HECTD4: variants seen among roughly 807,000 people sequenced by gnomAD.
HECTD4 encodes the protein HECT domain E3 ubiquitin protein ligase 4.
Under a neutral mutation model 471.5 loss-of-function variants are expected in HECTD4, and 114 were observed. That is an observed-to-expected ratio of 0.24 (90% CI 0.21 to 0.28). The LOEUF is 0.28. HECTD4 is among the 10% of genes least tolerant of loss of function. The pLI is 1.00. For missense variants in HECTD4, 3,866 were observed against 5,651.5 expected (o/e 0.68, Z 10.13); for synonymous variants, 2,012 against 2,256.0 (o/e 0.89, Z 3.07).
intron 8 of HECTD4, among the ~76,000 whole-genome samples, chr12:112,282,337 C>T (rs1288356193): frequency 2.0e-5 from 3 of 151,840 alleles, no homozygotes; most frequent in Non-Finnish European, 2.9e-5. Flanking sequence ...GAGCTGAGAT[C>T]GCGCCACTGC....
At chr12:112,250,455 A>G in intron 24 of HECTD4, 78 bp from the exon 25 acceptor site, 1 of 974,502 alleles carries the variant, frequency 1.0e-6, no homozygotes, top group Non-Finnish European at 1.6e-6. Flanking sequence ...TTGCAGATAC[A>G]TCAAACATAT....
intron 1 of HECTD4, among the ~76,000 whole-genome samples, chr12:112,360,375 C>G (rs2036427809): frequency 6.6e-6 from 1 of 152,126 alleles, no homozygotes. Context: ...AAATACTATT[C>G]TTACCATTCA....
At chr12:112,304,673 C>G (rs1168079243) in intron 7 of HECTD4, among the ~76,000 whole-genome samples, 6 of 147,546 alleles carry the variant, frequency 4.1e-5, no homozygotes, top group Non-Finnish European at 7.4e-5. Context: ...TCTTTAAAAA[C>G]CAATTAAAAA....
At chr12:112,308,574 T>TGAATATG (rs2035314676) in intron 6 of HECTD4, among the ~76,000 whole-genome samples, 179 bp downstream of exon 6, 4 of 152,022 alleles carry the variant, frequency 2.6e-5, no homozygotes, top group Admixed American at 1.3e-4. Context: ...TTCACTCAGT[T>TGAATATG]CATATGGGAA....
intron 1 of HECTD4, among the ~76,000 whole-genome samples, chr12:112,366,597 A>G (rs567070320): frequency 8.5e-5 from 13 of 152,100 alleles, no homozygotes; most frequent in African/African-American, 2.2e-4. Context: ...ACATTAAAAA[A>G]AAGAAGAAGA....
chr12:112,184,313 G>T lies in HECTD4; in HGVS notation c.10653C>A (p.Ser3551Arg). Reference protein sequence around the residue: ...CSTGSLGSLGSLGEPLDNAET... With the variant: ...CSTGSLGSLGRLGEPLDNAET... ...CTGCATTGTCCAGGGGCTCCCCCAG[G>T]CTGCCCAGGCTGCCCAGGCTGCCGG... is the stretch of plus-strand genomic sequence containing the variant. The change falls in exon 61 of 76, where the codon AGC becomes AGA. Residue 3551 changes from serine (S) to arginine (R), a missense_variant. Physicochemically the swap from Ser to Arg is moderately radical, Grantham distance 110 (BLOSUM62 -1). Around this residue, in one of 16 missense-constraint regions of HECTD4, gnomAD observed 192 missense variants for 189.9 expected, o/e 1.01. Transcript: ENST00000682272. This position sits in a 1 kb window ranked among gnomAD's most constrained non-coding sequence, Gnocchi z 9.1. The T allele has an allele frequency of 6.2e-7, 1 of 1,612,020 alleles. No individual in the cohort carries two copies. The highest frequency in any genetic ancestry group is 8.5e-7 in the Non-Finnish European group (1 of 1,179,264).
rs2034342921 is a variant in HECTD4, at chr12:112,268,828, T to C, written c.2321+876A>G. On this transcript the variant is annotated intron_variant, in intron 13 of 75. Transcript: ENST00000682272. ...AAAAAAAAAAAAGACTTACAATAAA[T>C]AGAAAATGGCCTATAAATTCTGCTC... is the stretch of plus-strand genomic sequence containing the variant. Among the ~76,000 whole-genome samples, 15 of 141,898 alleles carry C rather than the reference T, an allele frequency of 1.1e-4. No homozygotes were observed. In the South Asian group the frequency reaches 3.4e-3, roughly 32 times the overall value. 93.1% of individuals were successfully genotyped at this position (141,898 alleles called of 152,430 possible). A position where few individuals can be genotyped will look rare whatever the true frequency, so the allele number is the denominator to read the frequency against.
In HECTD4 at chr12:112,310,032, C is replaced by T. The variant is rs533905545; in HGVS notation, c.917-363G>A. ...ATTTGAAATGACTAAGAATACAGTA[C>T]AACACTTTTATTAGTAATTGCATAG... is the stretch of plus-strand genomic sequence containing the variant. On this transcript the variant is annotated intron_variant, in intron 4 of 75. Coordinates refer to ENST00000682272, the MANE Select transcript of HECTD4 (RefSeq NM_001388303.1). Among the ~76,000 whole-genome samples the T allele has an allele frequency of 3.3e-5, 5 of 152,222 alleles. No individual in the cohort carries two copies. The East Asian group carries it at 7.7e-4, about 24-fold the overall frequency.
At chr12:112,307,994 C>T (rs1037500688) in intron 6 of HECTD4, among the ~76,000 whole-genome samples, 1 of 152,250 alleles carries the variant, frequency 6.6e-6, no homozygotes, top group Non-Finnish European at 1.5e-5. Flanking sequence ...AGGTGCCTAG[C>T]CTCAGTTTCC....
intron 43 of HECTD4, 117 bp from the exon 44 acceptor site, chr12:112,226,875 A>T: frequency 1.6e-6 from 1 of 621,156 alleles, no homozygotes; most frequent in Non-Finnish European, 2.8e-6. Context: ...AGGTTCAAAC[A>T]CCCCACTCAT....
At chr12:112,305,499 C>A (rs532543028) in intron 7 of HECTD4, among the ~76,000 whole-genome samples, 5 of 152,222 alleles carry the variant, frequency 3.3e-5, no homozygotes, top group Admixed American at 3.3e-4. Context: ...TTATCTCGTG[C>A]GCTTATTTGC....
At chr12:112,187,848 G>T (rs1399030047) in intron 60 of HECTD4, among the ~76,000 whole-genome samples, 1 of 147,888 alleles carries the variant, frequency 6.8e-6, no homozygotes, top group Non-Finnish European at 1.5e-5. Context: ...GGATGGTCTT[G>T]ATCTCCTGAC....
chr12:112,222,019 G>A (rs1212282681), intron 44 of HECTD4, among the ~76,000 whole-genome samples: 3 of 151,898 alleles, frequency 2.0e-5, no homozygotes, highest in Admixed American at 2.0e-4. Flanking sequence ...TGCCTCCTGG[G>A]TTCAAGTGAT....
In HECTD4 at chr12:112,162,958, T is replaced by G; in HGVS notation, c.13120+84A>C. On this transcript the variant is annotated intron_variant, in intron 75 of 75. Transcript: ENST00000682272. The surrounding 1 kb of genome is among the most constrained non-coding windows in gnomAD (Gnocchi z 5.2). ...GGGGCTCCTGTTCATTGTTCTCCCTTCACATGGGGCCTGGCAGCCCCAGTT... is the reference window on the plus strand; with the variant it reads ...GGGGCTCCTGTTCATTGTTCTCCCTGCACATGGGGCCTGGCAGCCCCAGTT... 1 of 1,123,978 alleles carries G rather than the reference T, an allele frequency of 8.9e-7. No individual in the cohort carries two copies. The highest frequency in any genetic ancestry group is 1.3e-6 in the Non-Finnish European group (1 of 771,444). 69.6% of individuals were successfully genotyped at this position (1,123,978 alleles called of 1,614,324 possible).
At position 112,171,154 on chromosome 12, in the gene HECTD4, A is replaced by G. The variant is rs775491355; in HGVS notation, c.11895T>C (p.Tyr3965=). The change falls in exon 68 of 76, where the codon TAT becomes TAC. Residue 3965 remains tyrosine (Y), a synonymous_variant. Transcript: ENST00000682272. ...PLVELRQTPM[Y]THSIAALLKE... ...TCAGCAGGGCGGCGATGCTGTGGGTATACATGGGTGTCTGGCGCAGCTCCA... is the reference window on the plus strand; with the variant it reads ...TCAGCAGGGCGGCGATGCTGTGGGTGTACATGGGTGTCTGGCGCAGCTCCA... The G allele has an allele frequency of 1.2e-6, 2 of 1,613,570 alleles. No homozygotes were observed. Among genetic ancestry groups the G allele is most frequent in the Admixed American group, 3.3e-5 (2 of 59,960 alleles).
At chr12:112,222,185 T>C (rs1346823783) in intron 44 of HECTD4, among the ~76,000 whole-genome samples, 1 of 152,172 alleles carries the variant, frequency 6.6e-6, no homozygotes, top group Non-Finnish European at 1.5e-5. Context: ...CCTCCCAAAG[T>C]GCTGAGATTA....
At chr12:112,339,869 T>C (rs1315178101) in intron 1 of HECTD4, among the ~76,000 whole-genome samples, 1 of 151,944 alleles carries the variant, frequency 6.6e-6, no homozygotes, top group East Asian at 1.9e-4. Context: ...GCCAACATGG[T>C]GAAACCCCGC....
rs2031319317 is a variant in HECTD4, at chr12:112,173,592, C to T, written c.11595-731G>A. Reference sequence around the variant, plus strand: ...TGTATTTTTAGTAGAGACGAGGTTTCACCGTGTTAGCCAGGATGGTCTCAA... The same window carrying T: ...TGTATTTTTAGTAGAGACGAGGTTTTACCGTGTTAGCCAGGATGGTCTCAA... On this transcript the variant is annotated intron_variant, in intron 66 of 75. Coordinates refer to ENST00000682272, the MANE Select transcript of HECTD4 (RefSeq NM_001388303.1). The surrounding 1 kb of genome is among the most constrained non-coding windows in gnomAD (Gnocchi z 4.3). Among the ~76,000 whole-genome samples the T allele has an allele frequency of 6.6e-6, 1 of 151,734 alleles. No individual in the cohort carries two copies. The highest frequency in any genetic ancestry group is 1.5e-5 in the Non-Finnish European group (1 of 67,958).
In HECTD4 at chr12:112,219,499, G is replaced by A. The variant is rs1442761862; in HGVS notation, c.6971-10C>T. ...ACTGCAAGTCGCTCTCCTGTAGAGGGCACATGTTGAATCTGTGAAAACAAC... is the reference window on the plus strand; with the variant it reads ...ACTGCAAGTCGCTCTCCTGTAGAGGACACATGTTGAATCTGTGAAAACAAC... On this transcript the variant is annotated splice_polypyrimidine_tract_variant and intron_variant, in intron 44 of 75. Transcript: ENST00000682272. The A allele has an allele frequency of 6.3e-7, 1 of 1,598,558 alleles. No homozygotes were observed. Among genetic ancestry groups the A allele is most frequent in the Non-Finnish European group, 8.6e-7 (1 of 1,167,756 alleles).
Sources: gnomAD v4.1 joint callset for allele counts (sites outside exome capture counted in the v4.1 genomes callset) on GRCh38, gnomAD v4.1.1 for gene constraint, gnomAD v4.1.1 regional missense constraint, Gnocchi (gnomAD v3.1) non-coding constraint, MANE v1.5 for transcripts, NCBI Gene and HGNC (gene_info 2026-07-23, HGNC 2026-07-21) for gene names.